The following PEAK1 variants were observed in gnomAD, a reference collection of about 807,000 sequenced individuals.
PEAK1 encodes the protein pseudopodium enriched atypical kinase 1, also known as inactive tyrosine-protein kinase PEAK1.
In PEAK1, 54 loss-of-function variants were observed where a neutral mutation model predicts 124.7. That is an observed-to-expected ratio of 0.43 (90% CI 0.35 to 0.54). The LOEUF is 0.54. Among genes scored for constraint, PEAK1 ranks in the 20% least tolerant of loss-of-function variants. PEAK1 has a pLI of 0.01. For synonymous variants in PEAK1, 719 were observed against 760.0 expected (o/e 0.95, Z 0.89); for missense variants, 2,046 against 2,134.5 (o/e 0.96, Z 0.82).
intron 2 of PEAK1, among the ~76,000 whole-genome samples, chr15:77,360,161 T>C (rs2067790593): frequency 6.6e-6 from 1 of 152,216 alleles, no homozygotes; most frequent in African/African-American, 2.4e-5. Context: ...GATAATCCGA[T>C]AGTCAGAGAC....
intron 2 of PEAK1, chr15:77,336,705 G>T: frequency 3.4e-6 from 1 of 298,046 alleles, no homozygotes; most frequent in Non-Finnish European, 5.0e-6. Context: ...GATTATCACT[G>T]CAACATTATT....
At chr15:77,166,976 C>A (rs1414586761) in intron 7 of PEAK1, among the ~76,000 whole-genome samples, 1 of 152,142 alleles carries the variant, frequency 6.6e-6, no homozygotes, top group Non-Finnish European at 1.5e-5. Context: ...GCTCCCATCT[C>A]TAGGGATTGA....
Position 77,143,471 on chromosome 15 carries a change from T to C in PEAK1, c.3332-9721A>G, listed in dbSNP as rs1226502152. ...TTAAAAAATTCTGTCCTAAAGATCG[T>C]CTTCAAGCAAAGAAAGTGAGCCTTT... On this transcript the variant is annotated intron_variant, in intron 8 of 9. Transcript: ENST00000682557. Among the ~76,000 whole-genome samples the C allele has an allele frequency of 5.9e-5, 9 of 152,184 alleles. No individual in the cohort carries two copies. In the South Asian group the frequency reaches 8.3e-4, roughly 14 times the overall value.
intron 2 of PEAK1, among the ~76,000 whole-genome samples, chr15:77,356,361 A>G (rs1441762274): frequency 6.6e-6 from 1 of 152,230 alleles, no homozygotes; most frequent in Non-Finnish European, 1.5e-5. Context: ...CTGAAAAAAA[A>G]CAAGTATTAG....
At chr15:77,405,196 G>A (rs1334838333) in intron 1 of PEAK1, among the ~76,000 whole-genome samples, 1 of 151,936 alleles carries the variant, frequency 6.6e-6, no homozygotes. Context: ...AGTAGGGATG[G>A]GGTTTCATCA....
chr15:77,205,275 TAAAAA>T (rs374955010), intron 6 of PEAK1, among the ~76,000 whole-genome samples: 255 of 143,444 alleles, frequency 1.8e-3, no homozygotes, highest in Admixed American at 2.2e-3. Flanking sequence ...TGCCTTTTTT[TAAAAA>T]AAAAAAAAAA....
downstream of PEAK1, chr15:77,103,500 TAA>T (rs2050715693): frequency 6.6e-6 from 1 of 152,144 alleles, no homozygotes; most frequent in Non-Finnish European, 1.5e-5. Context: ...CTAATTTTTG[TAA>T]GAGAGTGGAA....
chr15:77,281,356 A>T (rs187733958), intron 5 of PEAK1, among the ~76,000 whole-genome samples: 17 of 152,242 alleles, frequency 1.1e-4, no homozygotes, highest in Admixed American at 1.3e-4. Context: ...AATCAAAAAA[A>T]TTTTTTTAAC....
chr15:77,156,573 T>C (rs1399605441), intron 8 of PEAK1: 1 of 152,438 alleles, frequency 6.6e-6, no homozygotes, highest in Non-Finnish European at 1.5e-5. Flanking sequence ...AATGCAGAAA[T>C]CACCCGTCTT....
intron 2 of PEAK1, among the ~76,000 whole-genome samples, chr15:77,321,442 G>C (rs1190831398): frequency 1.3e-5 from 2 of 152,126 alleles, no homozygotes; most frequent in Non-Finnish European, 2.9e-5. Context: ...GTGTCTTTTG[G>C]CTGCTTAAAT....
rs565496910 is a variant in PEAK1, at chr15:77,179,348, G to A, written c.2579C>T (p.Thr860Ile). The change falls in exon 7 of 10, where the codon ACT (threonine) becomes ATT (isoleucine). Residue 860 changes from threonine to isoleucine, a missense_variant. By Grantham distance (89) the Thr-to-Ile change is moderately conservative. Coordinates refer to ENST00000682557, the MANE Select transcript of PEAK1 (RefSeq NM_001385026.1). Reference protein sequence around the residue: ...PVTPSPSKLVTSPQSEPPAPF... With the variant: ...PVTPSPSKLVISPQSEPPAPF... ...AGCTGGTGGCTCACTTTGGGGGCTAGTCACTAATTTGGAGGGAGAGGGGGT... is the reference window on the plus strand; with the variant it reads ...AGCTGGTGGCTCACTTTGGGGGCTAATCACTAATTTGGAGGGAGAGGGGGT... 6.2e-7 allele frequency: 1 copy of A among 1,614,066 alleles called. No homozygotes were observed. The highest frequency in any genetic ancestry group is 8.5e-7 in the Non-Finnish European group (1 of 1,180,002).
chr15:77,199,251 G>A (rs1293502946), intron 6 of PEAK1, among the ~76,000 whole-genome samples: 1 of 152,194 alleles, frequency 6.6e-6, no homozygotes, highest in South Asian at 2.1e-4. Context: ...TTGCCAGTAA[G>A]AGACTGCCTT....
At chr15:77,404,909 C>A (rs1343346111) in intron 1 of PEAK1, 3 of 337,788 alleles carry the variant, frequency 8.9e-6, no homozygotes, top group Non-Finnish European at 1.3e-5. Flanking sequence ...TCAGTCTCAG[C>A]TCCTGTATGC....
At chr15:77,278,276 A>G (rs2062446882) in intron 5 of PEAK1, among the ~76,000 whole-genome samples, 1 of 152,170 alleles carries the variant, frequency 6.6e-6, no homozygotes, top group Non-Finnish European at 1.5e-5. Context: ...TCAGCAATTA[A>G]AAGAATGAAC....
chr15:77,131,438 A>C (rs2052852040), intron 9 of PEAK1, among the ~76,000 whole-genome samples: 1 of 152,236 alleles, frequency 6.6e-6, no homozygotes, highest in Non-Finnish European at 1.5e-5. Flanking sequence ...GGTTGCTGTG[A>C]GCCAAGATCG....
intron 4 of PEAK1, among the ~76,000 whole-genome samples, chr15:77,284,458 G>A (rs2062821266): frequency 6.6e-6 from 1 of 152,182 alleles, no homozygotes; most frequent in Non-Finnish European, 1.5e-5. Flanking sequence ...GAGCACATGA[G>A]TCAGTAGGAA....
At chr15:77,402,319 A>C in intron 1 of PEAK1, 1 of 985,310 alleles carries the variant, frequency 1.0e-6, no homozygotes, top group Non-Finnish European at 1.2e-6. Context: ...CGGGGAGAAA[A>C]GGAGATCAAG....
At chr15:77,306,881 C>G (rs968976775) in intron 2 of PEAK1, among the ~76,000 whole-genome samples, 7 of 152,186 alleles carry the variant, frequency 4.6e-5, no homozygotes, top group African/African-American at 1.7e-4. Flanking sequence ...TGCTGTCTTT[C>G]CACTATATTA....
At chr15:77,386,958 T>C (rs570319004) in intron 1 of PEAK1, among the ~76,000 whole-genome samples, 29 of 152,220 alleles carry the variant, frequency 1.9e-4, no homozygotes, top group African/African-American at 6.7e-4. Flanking sequence ...AATACAATTA[T>C]TGTGTATCCA....
Sources: allele counts gnomAD v4.1 joint callset (sites outside exome capture counted in the v4.1 genomes callset), GRCh38; gene constraint gnomAD v4.1.1; transcripts MANE v1.5; gene names NCBI Gene and HGNC (gene_info 2026-07-23, HGNC 2026-07-21).